The following PARP11 variants were observed in gnomAD, a reference collection of about 807,000 sequenced individuals.
PARP11 encodes the protein poly(ADP-ribose) polymerase family member 11, also known as protein mono-ADP-ribosyltransferase PARP11.
PARP11 carries 31 observed loss-of-function variants against 42.9 expected under a neutral mutation model. The ratio of observed to expected loss-of-function variants is 0.72; its 90% CI spans 0.54 to 0.98. The LOEUF (loss-of-function observed/expected upper bound fraction) is 0.98, where lower values mean the gene tolerates loss of function less well. Among genes scored for constraint, PARP11 ranks in the 50% least tolerant of loss-of-function variants. PARP11 has a pLI of 0.00. For synonymous variants in PARP11, 137 were observed against 127.3 expected (o/e 1.08, Z -0.51); for missense variants, 365 against 413.1 (o/e 0.88, Z 1.01).
chr12:3,814,854 T>C (rs1396736865), intron 6 of PARP11: 21 of 289,756 alleles, frequency 7.2e-5, no homozygotes, highest in Non-Finnish European at 1.2e-4. Context: ...TGCATTAACA[T>C]AGTAAATCTT....
intron 1 of PARP11, chr12:3,872,898 C>A: frequency 1.7e-6 from 1 of 575,258 alleles, no homozygotes; most frequent in Non-Finnish European, 2.2e-6. Flanking sequence ...TGCACTCCAG[C>A]CTGGACAACA....
intron 4 of PARP11, among the ~76,000 whole-genome samples, chr12:3,823,158 CT>C (rs1947437826): frequency 1.3e-5 from 2 of 152,222 alleles, no homozygotes; most frequent in African/African-American, 4.8e-5. Context: ...CTTTAGTTTA[CT>C]TTTTTCAAAC....
chr12:3,831,304 T>C (rs546688723), intron 1 of PARP11, among the ~76,000 whole-genome samples: 6 of 152,254 alleles, frequency 3.9e-5, no homozygotes, highest in South Asian at 2.1e-4. Context: ...TAAAAACATA[T>C]AGAGTTATTG....
At chr12:3,836,889 C>G (rs1391212955) in intron 1 of PARP11, among the ~76,000 whole-genome samples, 2 of 152,146 alleles carry the variant, frequency 1.3e-5, no homozygotes. Context: ...TCCCCTGATT[C>G]ATGATTTCTA....
At chr12:3,842,190 A>G (rs1286355799) in intron 1 of PARP11, 6 of 1,610,898 alleles carry the variant, frequency 3.7e-6, no homozygotes, top group Non-Finnish European at 5.1e-6. Context: ...TGATGTGGTC[A>G]GCCCTGGGGC....
rs191197142 is a variant in PARP11 at position 3,850,309 on chromosome 12, C to T, written c.19-20291G>A. 3.4e-3 allele frequency among the ~76,000 whole-genome samples: 513 copies of T among 152,080 alleles called. 5 individuals are homozygous for T. Among genetic ancestry groups the T allele is most frequent in the African/African-American group, 0.011 (474 of 41,470 alleles). ...TATATATAGCATAATTATATCAGTT[C>T]GAACACCCCTAATCCAAAAATCTGA... On this transcript the variant is annotated intron_variant, in intron 1 of 7. Transcript: ENST00000228820.
In PARP11 at chr12:3,865,876, G is replaced by A. The variant is rs140438512; in HGVS notation, c.18+7336C>T. 4.8e-3 allele frequency among the ~76,000 whole-genome samples: 662 copies of A among 137,822 alleles called. 4 individuals are homozygous for A. The highest frequency in any genetic ancestry group is 0.015 in the African/African-American group (544 of 36,532). The allele number at this position is 137,822 out of a possible 152,430, so 90.4% of individuals were successfully genotyped here. A position where few individuals can be genotyped will look rare whatever the true frequency, so the allele number is the denominator to read the frequency against. On this transcript the variant is annotated intron_variant, in intron 1 of 7. Transcript: ENST00000228820. ...TTGATATGGTTAGCTTTAAGTTTAC[G>A]TCTTGTTATTTGCTTTTTTTTTTTT...
Position 3,861,627 on chromosome 12 carries a change from T to C in PARP11, c.18+11585A>G, listed in dbSNP as rs897905148. On this transcript the variant is annotated intron_variant, in intron 1 of 7. Coordinates refer to ENST00000228820, the MANE Select transcript of PARP11 (RefSeq NM_020367.6). The surrounding 1 kb of genome is among the most constrained non-coding windows in gnomAD (Gnocchi z 4.6). Reference sequence around the variant, plus strand: ...CTCCCGTCTGTGGCTTATCTTTTCATTCTCCTAGAAGCATGTTTTCAACAG... The same window carrying C: ...CTCCCGTCTGTGGCTTATCTTTTCACTCTCCTAGAAGCATGTTTTCAACAG... 1.3e-5 allele frequency among the ~76,000 whole-genome samples: 2 copies of C among 152,264 alleles called. No homozygotes were observed. The highest frequency in any genetic ancestry group is 6.5e-5 in the Admixed American group (1 of 15,292).
At chr12:3,825,337 G>C (rs1046479463) in intron 4 of PARP11, among the ~76,000 whole-genome samples, 2 of 152,110 alleles carry the variant, frequency 1.3e-5, no homozygotes, top group Non-Finnish European at 2.9e-5. Flanking sequence ...CAAGTTCCAG[G>C]GAACAGAAAG....
chr12:3,861,715 T>C lies in PARP11; in HGVS notation c.18+11497A>G, dbSNP rs570058875. On this transcript the variant is annotated intron_variant, in intron 1 of 7. Transcript: ENST00000228820. The surrounding 1 kb of genome is among the most constrained non-coding windows in gnomAD (Gnocchi z 4.6). ...TTTTTTTTTTCATCGATCATAGTCC[T>C]GGCATTGTAGCTAAAAAGAATCTTT... is the stretch of plus-strand genomic sequence containing the variant. Among the ~76,000 whole-genome samples the C allele has an allele frequency of 3.3e-5, 5 of 152,258 alleles. No individual in the cohort carries two copies. The East Asian group carries it at 7.7e-4, about 24-fold the overall frequency.
chr12:3,814,968 C>T (rs1420621629), intron 6 of PARP11: 1 of 447,822 alleles, frequency 2.2e-6, no homozygotes, highest in Non-Finnish European at 4.5e-6. Context: ...GTAAAAAATA[C>T]AAAATACAAA....
chr12:3,826,937 C>T (rs965970879), intron 3 of PARP11, among the ~76,000 whole-genome samples: 4 of 152,168 alleles, frequency 2.6e-5, no homozygotes, highest in Non-Finnish European at 5.9e-5. Context: ...CAGTTTATCT[C>T]ATCTAATTGA....
chr12:3,857,125 C>CG (rs996310882), intron 1 of PARP11, among the ~76,000 whole-genome samples: 2 of 78,744 alleles, frequency 2.5e-5, no homozygotes, highest in African/African-American at 9.7e-5. Context: ...CAGGGCCTGT[C>CG]GGGGGGTGGG....
intron 1 of PARP11, 96 bp downstream of exon 1, chr12:3,873,116 G>A (rs1948523836): frequency 5.0e-6 from 6 of 1,194,262 alleles, no homozygotes; most frequent in East Asian, 2.5e-5. Context: ...CACCCAGACT[G>A]AAGCGAGCGC....
At chr12:3,868,582 C>G (rs1948427507) in intron 1 of PARP11, among the ~76,000 whole-genome samples, 1 of 152,160 alleles carries the variant, frequency 6.6e-6, no homozygotes, top group Admixed American at 6.5e-5. Context: ...ATAGTGAGTC[C>G]AGAACCAAAC....
chr12:3,820,689 A>G (rs1947374143), intron 6 of PARP11, among the ~76,000 whole-genome samples: 1 of 152,224 alleles, frequency 6.6e-6, no homozygotes, highest in Admixed American at 6.5e-5. Flanking sequence ...TACTTTATTC[A>G]CTGAGAGAAT....
intron 4 of PARP11, chr12:3,824,664 T>C (rs1025242496): frequency 4.1e-6 from 4 of 982,276 alleles, no homozygotes; most frequent in Non-Finnish European, 4.8e-6. Flanking sequence ...CTTTGTTCTA[T>C]GGTTTGTACA....
intron 3 of PARP11, 43 bp downstream of exon 3, chr12:3,828,867 T>C (rs758338547): frequency 1.3e-6 from 2 of 1,570,968 alleles, no homozygotes; most frequent in South Asian, 1.1e-5. Flanking sequence ...TTTTATCATA[T>C]CAATATACTA....
intron 1 of PARP11, among the ~76,000 whole-genome samples, chr12:3,857,637 TAA>T (rs367843470): frequency 1.4e-5 from 2 of 140,810 alleles, no homozygotes; most frequent in African/African-American, 2.6e-5. Flanking sequence ...ATTATTATGC[TAA>T]AAAAAAAAAA....
Sources: gnomAD v4.1 joint callset for allele counts (sites outside exome capture counted in the v4.1 genomes callset) on GRCh38, gnomAD v4.1.1 for gene constraint, Gnocchi (gnomAD v3.1) non-coding constraint, MANE v1.5 for transcripts, NCBI Gene and HGNC (gene_info 2026-07-23, HGNC 2026-07-21) for gene names.